The following DTHD1 variants were observed in gnomAD, a reference collection of about 807,000 sequenced individuals.
DTHD1 encodes the protein death domain containing 1.
DTHD1 carries 59 observed loss-of-function variants against 74.8 expected under a neutral mutation model. The ratio of observed to expected loss-of-function variants is 0.79; its 90% CI spans 0.64 to 0.98. The LOEUF (loss-of-function observed/expected upper bound fraction) is 0.98, where lower values mean the gene tolerates loss of function less well. Ranked by LOEUF, DTHD1 falls within the 50% of genes least tolerant of loss-of-function variation. DTHD1 has a pLI of 0.00. For synonymous variants in DTHD1, 365 were observed against 371.1 expected, an observed-to-expected ratio of 0.98 and a Z score of 0.19; for missense variants, 1,051 against 1,065.4, an observed-to-expected ratio of 0.99 and a Z score of 0.19.
intron 8 of DTHD1, chr4:36,333,781 G>A (rs1279087407): frequency 6.6e-6 from 1 of 152,460 alleles, no homozygotes; most frequent in African/African-American, 2.4e-5. Flanking sequence ...CAGAAGGAGT[G>A]TGGAGGGCTG....
chr4:36,284,547 T>C lies in DTHD1; in HGVS notation c.843T>C (p.Asn281=), dbSNP rs755927196. 1.3e-6 allele frequency: 2 copies of C among 1,529,188 alleles called. No individual in the cohort carries two copies. The highest frequency in any genetic ancestry group is 1.2e-5 in the South Asian group (1 of 81,972). 94.7% of individuals were successfully genotyped at this position (1,529,188 alleles called of 1,614,324 possible). The change falls in exon 2 of 10, where the codon AAT becomes AAC. Residue 281 remains asparagine, a synonymous_variant. Coordinates refer to ENST00000639862, the MANE Select transcript of DTHD1 (RefSeq NM_001170700.3). The part of the protein sequence containing the change: ...SKKYINSTLP[N]DSENIKHKNN... ...AATATATAAATAGTACTCTTCCCAA[T>C]GATTCAGAGAATATAAAGCACAAGA...
chr4:36,325,389 C>T (rs1307708195), intron 8 of DTHD1, among the ~76,000 whole-genome samples: 1 of 152,102 alleles, frequency 6.6e-6, no homozygotes, highest in African/African-American at 2.4e-5. Flanking sequence ...CAGCTAAAGC[C>T]ATTGGAAAGC....
intron 4 of DTHD1, 118 bp from the exon 5 acceptor site, chr4:36,294,677 A>T: frequency 1.1e-6 from 1 of 914,256 alleles, no homozygotes; most frequent in Non-Finnish European, 1.5e-6. Context: ...AACTAACAAT[A>T]CATAGAGAAA....
chr4:36,312,517 G>A (rs1757465056), intron 7 of DTHD1, among the ~76,000 whole-genome samples: 1 of 152,008 alleles, frequency 6.6e-6, no homozygotes, highest in African/African-American at 2.4e-5. Context: ...GAAAGGATAG[G>A]GGGACCTTAA....
In DTHD1 at chr4:36,302,065, C is replaced by T. The variant is rs545288334; in HGVS notation, c.1644-4126C>T. Among the ~76,000 whole-genome samples, 9 of 152,264 alleles carry T rather than the reference C, an allele frequency of 5.9e-5. 1 individual carries two copies. The East Asian group carries it at 1.2e-3, about 20-fold the overall frequency. The stretch of plus-strand genomic sequence containing the variant: ...GGTGCGGGGGCCCACTAAGGTACAG[C>T]GTCATCGGGAGCTCAAGCTCAGGGT... On this transcript the variant is annotated intron_variant, in intron 5 of 9. Coordinates refer to ENST00000639862, the MANE Select transcript of DTHD1 (RefSeq NM_001170700.3).
At chr4:36,323,616 T>C (rs1488527621) in intron 8 of DTHD1, among the ~76,000 whole-genome samples, 1 of 149,974 alleles carries the variant, frequency 6.7e-6, no homozygotes, top group East Asian at 1.9e-4. Context: ...TTAGAAGAAA[T>C]TCCTATAAGA....
intron 7 of DTHD1, among the ~76,000 whole-genome samples, chr4:36,310,112 G>C (rs11945516): frequency 0.021 from 3,206 of 152,218 alleles, 126 homozygotes; most frequent in African/African-American, 0.073. Flanking sequence ...TGATGGGCAC[G>C]TAAGTTGATT....
chr4:36,285,774 A>G (rs993288414), intron 2 of DTHD1, among the ~76,000 whole-genome samples: 2 of 152,200 alleles, frequency 1.3e-5, no homozygotes, highest in Non-Finnish European at 2.9e-5. Flanking sequence ...TGTAGAAATA[A>G]TATATACATC....
rs1755576186 is a variant in DTHD1 at position 36,284,332 on chromosome 4, A to G, written c.628A>G (p.Lys210Glu). 6.5e-7 allele frequency: 1 copy of G among 1,537,076 alleles called. No homozygotes were observed. The highest frequency in any genetic ancestry group is 1.4e-5 in the African/African-American group (1 of 73,058). The change falls in exon 2 of 10, where the codon AAA (lysine) becomes GAA (glutamate). Residue 210 changes from lysine to glutamate, a missense_variant. Coordinates refer to ENST00000639862, the MANE Select transcript of DTHD1 (RefSeq NM_001170700.3). ...ACTGGGGCAAGAAGAGTCACAGAAT[A>G]AAATGTTCCCAGATAATGCAGAAAA... ...RVLGQEESQN[K>E]MFPDNAENED...
In DTHD1 at chr4:36,284,548, G is replaced by T. The variant is rs1337384038; in HGVS notation, c.844G>T (p.Asp282Tyr). Residue 282 changes from aspartate to tyrosine, a missense_variant, in exon 2 of 10, where the codon GAT becomes TAT. By Grantham distance (160) the Asp-to-Tyr change is radical. Transcript: ENST00000639862. ...KKYINSTLPN[D>Y]SENIKHKNNI... ...ATATATAAATAGTACTCTTCCCAAT[G>T]ATTCAGAGAATATAAAGCACAAGAA... 2 of 1,527,704 alleles carry T rather than the reference G, an allele frequency of 1.3e-6. No homozygotes were observed. The highest frequency in any genetic ancestry group is 2.4e-5 in the East Asian group (1 of 40,850). The allele number at this position is 1,527,704 out of a possible 1,614,324, so 94.6% of individuals were successfully genotyped here.
At chr4:36,296,790 C>T (rs989366841) in intron 5 of DTHD1, among the ~76,000 whole-genome samples, 2 of 151,876 alleles carry the variant, frequency 1.3e-5, no homozygotes, top group Non-Finnish European at 2.9e-5. Flanking sequence ...CAATCTGCTT[C>T]ATTGTTTTAC....
rs1200992281 is a variant in DTHD1, at chr4:36,308,261, G to C, written c.1863G>C (p.Val621=). 6.4e-7 allele frequency: 1 copy of C among 1,552,078 alleles called. No individual in the cohort carries two copies. Among genetic ancestry groups the C allele is most frequent in the Non-Finnish European group, 8.7e-7 (1 of 1,147,110 alleles). The change falls in exon 7 of 10, where the codon GTG becomes GTC. Residue 621 remains valine, a synonymous_variant. Coordinates refer to ENST00000639862, the MANE Select transcript of DTHD1 (RefSeq NM_001170700.3). ...TMDNSHLVTF[V]KSLEEAMLST... is the part of the protein sequence containing the mutation. The stretch of plus-strand genomic sequence containing the variant: ...ACAATAGTCATTTGGTTACTTTTGT[G>C]AAATCTTTAGAGGAAGCCATGCTCA...
Position 36,347,014 on chromosome 4 carries a change from T to A in DTHD1, c.*3190T>A, listed in dbSNP as rs1759622229. ...TCTAATTTGAGTATATCACTATATTTCTCATTGAGACCCTGATTGATACCT... is the reference window on the plus strand; with the variant it reads ...TCTAATTTGAGTATATCACTATATTACTCATTGAGACCCTGATTGATACCT... On this transcript the variant is annotated 3_prime_UTR_variant, in exon 10 of 10. Transcript: ENST00000639862. Among the ~76,000 whole-genome samples the A allele has an allele frequency of 6.6e-6, 1 of 152,184 alleles. No individual in the cohort carries two copies. The highest frequency in any genetic ancestry group is 1.5e-5 in the Non-Finnish European group (1 of 68,026).
intron 8 of DTHD1, among the ~76,000 whole-genome samples, chr4:36,318,713 G>A (rs796874433): frequency 1.4e-5 from 2 of 141,396 alleles, no homozygotes; most frequent in African/African-American, 2.6e-5. Flanking sequence ...CTCCTGGGTT[G>A]ACGCCATTCT....
chr4:36,296,619 C>T (rs952053296), intron 5 of DTHD1, among the ~76,000 whole-genome samples: 2 of 151,836 alleles, frequency 1.3e-5, no homozygotes, highest in Admixed American at 6.6e-5. Flanking sequence ...ATATTATTGT[C>T]CATATTTCAT....
rs1755422501 is a variant in DTHD1, at chr4:36,281,938, G to A, written c.180G>A (p.Gln60=). 7 of 1,366,370 alleles carry A rather than the reference G, an allele frequency of 5.1e-6. No individual in the cohort carries two copies. The South Asian group carries it at 1.4e-4, about 27-fold the overall frequency. The allele number at this position is 1,366,370 out of a possible 1,614,324, so 84.6% of individuals were successfully genotyped here. A position where few individuals can be genotyped will look rare whatever the true frequency, so the allele number is the denominator to read the frequency against. The change falls in exon 1 of 10, where the codon CAG becomes CAA. Residue 60 remains glutamine (Q), a synonymous_variant. Coordinates refer to ENST00000639862, the MANE Select transcript of DTHD1 (RefSeq NM_001170700.3). ...LGQELSSALH[Q]LLEHTSGTLR... ...AGGAACTCAGCAGTGCCCTTCACCA[G>A]CTGCTGGAGCACACCTCAGGCACCC...
At chr4:36,317,708 A>C (rs1035938915) in intron 8 of DTHD1, among the ~76,000 whole-genome samples, 1 of 152,240 alleles carries the variant, frequency 6.6e-6, no homozygotes, top group African/African-American at 2.4e-5. Context: ...AACAATACAC[A>C]AAATTACGTT....
chr4:36,305,011 G>A (rs907156403), intron 5 of DTHD1, among the ~76,000 whole-genome samples: 4 of 152,184 alleles, frequency 2.6e-5, no homozygotes, highest in African/African-American at 9.6e-5. Context: ...TTAGTCACAT[G>A]AGCTGTGGTT....
Position 36,287,030 on chromosome 4 carries a change from C to T in DTHD1, c.887+2439C>T, listed in dbSNP as rs552017643. 3.4e-4 allele frequency among the ~76,000 whole-genome samples: 51 copies of T among 151,754 alleles called. 1 individual carries two copies. The South Asian group carries it at 9.8e-3, about 29-fold the overall frequency. On this transcript the variant is annotated intron_variant, in intron 2 of 9. Transcript: ENST00000639862. Reference sequence around the variant, plus strand: ...GGGGAACAGGTGGTGTTTGGTTACACGAATAAGTTCTTTAGTGGTGATTTC... The same window carrying T: ...GGGGAACAGGTGGTGTTTGGTTACATGAATAAGTTCTTTAGTGGTGATTTC...
Sources: allele counts gnomAD v4.1 joint callset (sites outside exome capture counted in the v4.1 genomes callset), GRCh38; gene constraint gnomAD v4.1.1; transcripts MANE v1.5; gene names NCBI Gene and HGNC (gene_info 2026-07-23, HGNC 2026-07-21).